Variants in LTBP2 observed in about 807,000 individuals in gnomAD.
LTBP2 encodes latent transforming growth factor beta binding protein 2.
In LTBP2, 103 loss-of-function variants were observed where a neutral mutation model predicts 210.6. The observed-to-expected ratio is 0.49, with a 90% CI of 0.42 to 0.58. The LOEUF (loss-of-function observed/expected upper bound fraction) is 0.58. Among genes scored for constraint, LTBP2 ranks in the 20% least tolerant of loss-of-function variants. LTBP2 has a pLI of 0.00. For synonymous variants in LTBP2, 1,007 were observed against 1,015.0 expected, an observed-to-expected ratio of 0.99 and a Z score of 0.15; for missense variants, 2,313 against 2,494.5, an observed-to-expected ratio of 0.93 and a Z score of 1.55.
At chr14:74,569,628 T>C (rs1162110436) in intron 3 of LTBP2, among the ~76,000 whole-genome samples, 1 of 152,186 alleles carries the variant, frequency 6.6e-6, no homozygotes, top group Non-Finnish European at 1.5e-5. Flanking sequence ...ATGAGATTTG[T>C]CCACTGGTAT....
chr14:74,518,509 C>T (rs1257077465), intron 17 of LTBP2, among the ~76,000 whole-genome samples: 12 of 152,194 alleles, frequency 7.9e-5, no homozygotes, highest in Non-Finnish European at 1.5e-5. Context: ...TCCCACTTAT[C>T]TCCAACCCAG....
At chr14:74,590,315 T>C (rs1365914476) in intron 2 of LTBP2, among the ~76,000 whole-genome samples, 2 of 152,236 alleles carry the variant, frequency 1.3e-5, no homozygotes, top group Non-Finnish European at 1.5e-5. Context: ...GAAGTCATTC[T>C]ATCAAAAAGA....
chr14:74,518,032 T>C (rs2087156744), intron 17 of LTBP2, among the ~76,000 whole-genome samples: 1 of 152,224 alleles, frequency 6.6e-6, no homozygotes, highest in Non-Finnish European at 1.5e-5. Context: ...ACCTGGAGTC[T>C]CTTTCCTCAC....
chr14:74,610,941 A>C (rs2088596974), intron 1 of LTBP2, among the ~76,000 whole-genome samples: 1 of 152,028 alleles, frequency 6.6e-6, no homozygotes, highest in African/African-American at 2.4e-5. Flanking sequence ...GCCCCACGAC[A>C]CTTGTCCCGA....
At chr14:74,610,198 A>C (rs1242907169) in intron 1 of LTBP2, among the ~76,000 whole-genome samples, 2 of 152,224 alleles carry the variant, frequency 1.3e-5, no homozygotes, top group Admixed American at 6.5e-5. Flanking sequence ...GGCCATAAAC[A>C]CATAAATAGG....
chr14:74,500,870 C>G lies in LTBP2; in HGVS notation c.*14G>C. ...AGGCCATTTCCAGGTAGTTGCCACA[C>G]TGACCCCTGACTGCTACTCCTTGGC... On this transcript the variant is annotated 3_prime_UTR_variant, in exon 36 of 36. Transcript: ENST00000261978. 2 of 1,613,812 alleles carry G rather than the reference C, an allele frequency of 1.2e-6. No individual in the cohort carries two copies. The highest frequency in any genetic ancestry group is 1.7e-6 in the Non-Finnish European group (2 of 1,180,006).
chr14:74,550,779 C>T (rs902659424), intron 7 of LTBP2, among the ~76,000 whole-genome samples: 1 of 152,214 alleles, frequency 6.6e-6, no homozygotes, highest in Non-Finnish European at 1.5e-5. Flanking sequence ...CTCTAGGCTG[C>T]CTTCACCTGA....
At chr14:74,563,045 A>T (rs117838981) in intron 3 of LTBP2, among the ~76,000 whole-genome samples, 2 of 152,302 alleles carry the variant, frequency 1.3e-5, no homozygotes, top group East Asian at 1.9e-4. Flanking sequence ...CTCTTGGCTG[A>T]TGGGAACCAC....
intron 6 of LTBP2, 78 bp from the exon 7 acceptor site, chr14:74,551,428 A>G (rs1166080630): frequency 1.4e-6 from 2 of 1,387,600 alleles, no homozygotes; most frequent in Non-Finnish European, 1.9e-6. Context: ...GGTATCCACC[A>G]CCCCTGGGCC....
intron 4 of LTBP2, among the ~76,000 whole-genome samples, chr14:74,554,651 G>C (rs1346844938): frequency 6.6e-6 from 1 of 152,210 alleles, no homozygotes; most frequent in Non-Finnish European, 1.5e-5. Flanking sequence ...GCCAGGGATA[G>C]GAGGGGAGAT....
Position 74,522,039 on chromosome 14 carries a change from T to C in LTBP2, c.2660A>G (p.Asp887Gly). The C allele has an allele frequency of 6.2e-7, 1 of 1,612,330 alleles. No individual in the cohort carries two copies. Residue 887 changes from aspartate (D) to glycine (G), a missense_variant and splice_region_variant, in exon 17 of 36, where the codon GAT becomes GGT. Physicochemically the swap from Asp to Gly is moderately conservative, Grantham distance 94 (BLOSUM62 -1). Transcript: ENST00000261978. ...QLHPSQAYCT[D>G]DNECLRDPCK... ...GGGGTCCCTCAGACACTCGTTGTCA[T>C]CTGACCAGAAGAAGGCAGGGAGGGA... is the stretch of plus-strand genomic sequence containing the variant.
At chr14:74,552,816 C>G in intron 5 of LTBP2, 76 bp downstream of exon 5, 1 of 1,544,088 alleles carries the variant, frequency 6.5e-7, no homozygotes, top group Non-Finnish European at 8.8e-7. Flanking sequence ...GGGCTCCAGT[C>G]CAAGGCAGGC....
At chr14:74,570,976 G>A (rs992165051) in intron 3 of LTBP2, among the ~76,000 whole-genome samples, 4 of 151,744 alleles carry the variant, frequency 2.6e-5, no homozygotes, top group Admixed American at 6.6e-5. Context: ...GAGTGGGTAC[G>A]GTGAGACTTT....
chr14:74,548,023 T>C (rs957344929), intron 8 of LTBP2, among the ~76,000 whole-genome samples: 2 of 151,988 alleles, frequency 1.3e-5, no homozygotes, highest in Non-Finnish European at 2.9e-5. Context: ...CTCTTCCCCA[T>C]TACTTAACTG....
chr14:74,518,934 C>T (rs1039441234), intron 17 of LTBP2, among the ~76,000 whole-genome samples: 1 of 152,198 alleles, frequency 6.6e-6, no homozygotes, highest in African/African-American at 2.4e-5. Flanking sequence ...GGATGAAGAA[C>T]TCATTATCCC....
At chr14:74,559,322 G>A (rs1299473277) in intron 3 of LTBP2, among the ~76,000 whole-genome samples, 2 of 152,148 alleles carry the variant, frequency 1.3e-5, no homozygotes, top group Non-Finnish European at 2.9e-5. Flanking sequence ...CTAATTCATT[G>A]TCACCTACTA....
Position 74,564,115 on chromosome 14 carries a change from A to ATATATATT in LTBP2, c.831-8423_831-8422insAATATATA, listed in dbSNP as rs2087842913. On this transcript the variant is annotated intron_variant, in intron 3 of 35. Coordinates refer to ENST00000261978, the MANE Select transcript of LTBP2 (RefSeq NM_000428.3). Reference sequence around the variant, plus strand: ...TATATATATTTATATATATATTTATATATATATATTTATATATATATTTAT... The same window carrying ATATATATT: ...TATATATATTTATATATATATTTATATATATATTTATATATATTTATATATATATTTAT... 7.5e-5 allele frequency among the ~76,000 whole-genome samples: 2 copies of ATATATATT among 26,570 alleles called. 1 individual carries two copies. Among genetic ancestry groups the ATATATATT allele is most frequent in the African/African-American group, 2.6e-4 (2 of 7,802 alleles). The allele number at this position is 26,570 out of a possible 152,430, so 17.4% of individuals were successfully genotyped here.
At chr14:74,565,167 C>T (rs940268014) in intron 3 of LTBP2, among the ~76,000 whole-genome samples, 2 of 152,168 alleles carry the variant, frequency 1.3e-5, no homozygotes, top group Admixed American at 1.3e-4. Flanking sequence ...TGCACTGACC[C>T]CAGGGATGGC....
chr14:74,541,818 C>T (rs1283427994), intron 8 of LTBP2, among the ~76,000 whole-genome samples: 5 of 152,014 alleles, frequency 3.3e-5, no homozygotes, highest in African/African-American at 1.2e-4. Flanking sequence ...GATCAGATGC[C>T]TGGTAAGTGC....
Sources: allele counts gnomAD v4.1 joint callset (sites outside exome capture counted in the v4.1 genomes callset), GRCh38; gene constraint gnomAD v4.1.1; transcripts MANE v1.5; gene names NCBI Gene and HGNC (gene_info 2026-07-23, HGNC 2026-07-21).